The following FAM13A variants were observed in gnomAD, a reference collection of about 807,000 sequenced individuals.
FAM13A encodes the protein family with sequence similarity 13 member A.
In FAM13A, 76 loss-of-function variants were observed where a neutral mutation model predicts 129.6. The observed-to-expected ratio is 0.59, with a 90% CI of 0.49 to 0.71. FAM13A has a LOEUF of 0.71. Ranked by LOEUF, FAM13A falls within the 30% of genes least tolerant of loss-of-function variation. The probability of loss-of-function intolerance (pLI) is 0.00; values close to 1 mark genes in which losing one functional copy is unlikely to be tolerated. For missense variants in FAM13A, 1,108 were observed against 1,249.3 expected, an observed-to-expected ratio of 0.89 and a Z score of 1.70; for synonymous variants, 443 against 449.9, an observed-to-expected ratio of 0.98 and a Z score of 0.20.
At chr4:88,856,958 T>A (rs1312640419) in intron 6 of FAM13A, among the ~76,000 whole-genome samples, 2 of 152,218 alleles carry the variant, frequency 1.3e-5, no homozygotes, top group Non-Finnish European at 2.9e-5. Flanking sequence ...CCTTTGTTTT[T>A]GCTTAAAAAA....
At chr4:88,732,264 A>G in intron 21 of FAM13A, 66 bp from the exon 22 acceptor site, 1 of 1,138,320 alleles carries the variant, frequency 8.8e-7, no homozygotes. Context: ...CATTACAAGT[A>G]TCATTTAATA....
At chr4:88,737,693 G>A in intron 20 of FAM13A, 138 bp from the exon 21 acceptor site, 1 of 710,460 alleles carries the variant, frequency 1.4e-6, no homozygotes. Context: ...ACACTCCCAG[G>A]AAAACCTGAA....
chr4:88,937,991 G>T, intron 5 of FAM13A, 97 bp downstream of exon 5: 1 of 848,916 alleles, frequency 1.2e-6, no homozygotes, highest in Non-Finnish European at 1.9e-6. Context: ...AATAATCTGA[G>T]GGTTATATCC....
chr4:89,027,234 T>C (rs1320415092), intron 2 of FAM13A, among the ~76,000 whole-genome samples: 1 of 152,138 alleles, frequency 6.6e-6, no homozygotes, highest in Non-Finnish European at 1.5e-5. Flanking sequence ...TAGAGCCAGG[T>C]GCAATGGCTC....
chr4:88,751,031 C>T (rs1463750145), intron 14 of FAM13A, among the ~76,000 whole-genome samples: 1 of 152,204 alleles, frequency 6.6e-6, no homozygotes, highest in African/African-American at 2.4e-5. Flanking sequence ...CACCTGAGGT[C>T]AGGAGTTTGA....
intron 1 of FAM13A, among the ~76,000 whole-genome samples, chr4:89,043,434 A>AG (rs1770421369): frequency 6.6e-6 from 1 of 152,064 alleles, no homozygotes; most frequent in African/African-American, 2.4e-5. Flanking sequence ...GTAGCAATAG[A>AG]GGGGGGAATC....
intron 3 of FAM13A, among the ~76,000 whole-genome samples, chr4:89,008,176 A>G (rs1454215966): frequency 6.6e-6 from 1 of 152,210 alleles, no homozygotes; most frequent in Non-Finnish European, 1.5e-5. Flanking sequence ...TATCAAATTT[A>G]ATAAATTTTA....
At chr4:88,764,987 A>T (rs1442335056) in intron 13 of FAM13A, among the ~76,000 whole-genome samples, 2 of 152,218 alleles carry the variant, frequency 1.3e-5, no homozygotes, top group African/African-American at 4.8e-5. Context: ...TTAAAAAGAT[A>T]TGAAACAAAG....
intron 15 of FAM13A, among the ~76,000 whole-genome samples, chr4:88,750,200 T>C (rs887893597): frequency 6.6e-6 from 1 of 152,138 alleles, no homozygotes; most frequent in Non-Finnish European, 1.5e-5. Flanking sequence ...GAGAGCGCTT[T>C]GGAAAGGAGA....
chr4:88,886,771 G>C (rs1478445738), intron 6 of FAM13A, among the ~76,000 whole-genome samples: 3 of 151,898 alleles, frequency 2.0e-5, no homozygotes, highest in Admixed American at 6.6e-5. Flanking sequence ...GCTGGGCATG[G>C]TGACGCATGC....
intron 3 of FAM13A, among the ~76,000 whole-genome samples, chr4:88,992,358 C>T (rs1220758074): frequency 2.6e-5 from 4 of 151,648 alleles, no homozygotes; most frequent in Non-Finnish European, 5.9e-5. Context: ...CCTCTGCCTC[C>T]TGGGTTCAAG....
chr4:88,908,834 T>C (rs1203252025), intron 5 of FAM13A, among the ~76,000 whole-genome samples: 1 of 152,084 alleles, frequency 6.6e-6, no homozygotes, highest in African/African-American at 2.4e-5. Context: ...ATCAGAATGG[T>C]ACTGAAACAG....
intron 5 of FAM13A, among the ~76,000 whole-genome samples, chr4:88,921,576 G>T (rs904091726): frequency 6.6e-6 from 1 of 152,120 alleles, no homozygotes; most frequent in Admixed American, 6.6e-5. Context: ...AGGAACAACT[G>T]GTACCAGCCG....
chr4:88,875,702 A>G (rs1419138662), intron 6 of FAM13A, among the ~76,000 whole-genome samples: 1 of 152,206 alleles, frequency 6.6e-6, no homozygotes, highest in East Asian at 1.9e-4. Context: ...GGGACTGTAA[A>G]CTAGTTCAGC....
At chr4:88,897,024 T>C (rs1746468023) in intron 6 of FAM13A, among the ~76,000 whole-genome samples, 1 of 152,176 alleles carries the variant, frequency 6.6e-6, no homozygotes, top group African/African-American at 2.4e-5. Context: ...AGAAGGAAGA[T>C]CGTTTTCTTC....
intron 5 of FAM13A, among the ~76,000 whole-genome samples, chr4:88,907,425 C>T (rs1194410491): frequency 6.6e-6 from 1 of 152,090 alleles, no homozygotes; most frequent in Non-Finnish European, 1.5e-5. Flanking sequence ...TTTTAGTCTG[C>T]ATACTTCAGA....
At chr4:89,020,059 A>C (rs1243824900) in intron 3 of FAM13A, among the ~76,000 whole-genome samples, 1 of 152,144 alleles carries the variant, frequency 6.6e-6, no homozygotes, top group Non-Finnish European at 1.5e-5. Context: ...AGGGATTTTC[A>C]ATATTACGTT....
chr4:88,864,736 A>T (rs1407453242), intron 6 of FAM13A, among the ~76,000 whole-genome samples: 1 of 152,174 alleles, frequency 6.6e-6, no homozygotes, highest in Non-Finnish European at 1.5e-5. Context: ...GGAGTTACCT[A>T]TGTTTTTGTG....
At chr4:89,002,469 A>C (rs1764392913) in intron 3 of FAM13A, among the ~76,000 whole-genome samples, 1 of 152,172 alleles carries the variant, frequency 6.6e-6, no homozygotes, top group Non-Finnish European at 1.5e-5. Flanking sequence ...ATAAGGAGTC[A>C]TTATTTCCTT....
Sources: gnomAD v4.1 joint callset for allele counts (sites outside exome capture counted in the v4.1 genomes callset) on GRCh38, gnomAD v4.1.1 for gene constraint, MANE v1.5 for transcripts, NCBI Gene and HGNC (gene_info 2026-07-23, HGNC 2026-07-21) for gene names.